CRADD: variants seen among roughly 807,000 people sequenced by gnomAD.
CRADD encodes CARD and death domain containing adaptor protein, also known as death domain-containing protein CRADD.
Under a neutral mutation model 15.5 loss-of-function variants are expected in CRADD, and 9 were observed. That is an observed-to-expected ratio of 0.58 (90% confidence interval 0.35 to 1.01). The LOEUF (loss-of-function observed/expected upper bound fraction) is 1.01, where lower values mean the gene tolerates loss of function less well. CRADD is among the 50% of genes least tolerant of loss of function. CRADD has a pLI of 0.02. For missense variants in CRADD, 227 were observed against 250.3 expected (o/e 0.91, Z 0.63); for synonymous variants, 118 against 107.6 (o/e 1.10, Z -0.60).
intron 2 of CRADD, among the ~76,000 whole-genome samples, chr12:93,744,908 A>G (rs1956728826): frequency 6.6e-6 from 1 of 152,228 alleles, no homozygotes; most frequent in Admixed American, 6.5e-5. Flanking sequence ...CCACCACTAT[A>G]TAAAATAAAA....
At chr12:93,816,263 C>T (rs1386770160) in intron 2 of CRADD, among the ~76,000 whole-genome samples, 2 of 152,122 alleles carry the variant, frequency 1.3e-5, no homozygotes, top group Non-Finnish European at 2.9e-5. Context: ...GTCGCCCAGG[C>T]TGGAGTGCAG....
chr12:93,810,058 A>C (rs548940791), intron 2 of CRADD, among the ~76,000 whole-genome samples: 100 of 152,280 alleles, frequency 6.6e-4, no homozygotes, highest in Non-Finnish European at 1.1e-3. Flanking sequence ...TGTAAAGTAC[A>C]CTCTCTAAAT....
At chr12:93,769,618 T>C (rs1375708767) in intron 2 of CRADD, among the ~76,000 whole-genome samples, 2 of 152,240 alleles carry the variant, frequency 1.3e-5, no homozygotes, top group African/African-American at 4.8e-5. Context: ...CATCAATTTA[T>C]GTGAGTTACT....
chr12:93,871,531 C>T (rs1404050454), intron 2 of CRADD, among the ~76,000 whole-genome samples: 1 of 152,056 alleles, frequency 6.6e-6, no homozygotes, highest in Admixed American at 6.6e-5. Flanking sequence ...ATTTTTGTGT[C>T]CATTAACTAT....
At chr12:93,711,055 C>CCCCCTTTTTT in intron 2 of CRADD, among the ~76,000 whole-genome samples, 22 of 43,506 alleles carry the variant, frequency 5.1e-4, no homozygotes, top group South Asian at 1.3e-3. Context: ...CCACCCCCGC[C>CCCCCTTTTTT]TTTTTTTTTT....
At chr12:93,796,849 T>C (rs767754046) in intron 2 of CRADD, among the ~76,000 whole-genome samples, 1 of 152,168 alleles carries the variant, frequency 6.6e-6, no homozygotes, top group African/African-American at 2.4e-5. Context: ...TCTAACCCTT[T>C]GCAAACCTCT....
intron 2 of CRADD, among the ~76,000 whole-genome samples, chr12:93,891,453 C>T (rs1958575548): frequency 6.6e-6 from 1 of 152,190 alleles, no homozygotes. Flanking sequence ...TGTCACTGCA[C>T]TCCAGCCTGG....
At chr12:93,867,403 A>ATATATATATATTTTTTTTT (rs985334638) in intron 2 of CRADD, among the ~76,000 whole-genome samples, 1 of 143,378 alleles carries the variant, frequency 7.0e-6, no homozygotes, top group Non-Finnish European at 1.5e-5. Context: ...ATATATATAT[A>ATATATATATATTTTTTTTT]TTTTTTAAAC....
intron 2 of CRADD, among the ~76,000 whole-genome samples, chr12:93,832,531 T>G (rs545977132): frequency 5.0e-4 from 73 of 146,720 alleles, no homozygotes; most frequent in Non-Finnish European, 9.3e-4. Flanking sequence ...CAATTGAAGC[T>G]TCTTAATCTT....
chr12:93,740,018 A>T (rs1397078556), intron 2 of CRADD, among the ~76,000 whole-genome samples: 1 of 152,178 alleles, frequency 6.6e-6, no homozygotes. Context: ...CATAAAATAC[A>T]AATGTTTTTA....
intron 2 of CRADD, among the ~76,000 whole-genome samples, chr12:93,682,230 T>G (rs1352704716): frequency 6.6e-6 from 1 of 152,200 alleles, no homozygotes; most frequent in East Asian, 1.9e-4. Context: ...TTGAGTAATT[T>G]TAGTAAGATT....
chr12:93,894,793 C>G (rs1380572365), downstream of CRADD: 1 of 152,612 alleles, frequency 6.6e-6, no homozygotes, highest in African/African-American at 2.4e-5. Flanking sequence ...CGAGATGGCG[C>G]TGAGCACTCG....
At chr12:93,691,111 C>T (rs538179127) in intron 2 of CRADD, among the ~76,000 whole-genome samples, 51 of 152,168 alleles carry the variant, frequency 3.4e-4, no homozygotes, top group Non-Finnish European at 6.3e-4. Flanking sequence ...TTATGTGCTA[C>T]GGGCAAATGT....
intron 2 of CRADD, among the ~76,000 whole-genome samples, chr12:93,834,624 G>A (rs1350800065): frequency 6.6e-6 from 1 of 152,120 alleles, no homozygotes; most frequent in African/African-American, 2.4e-5. Context: ...AAGTAGCTGG[G>A]ACTACAGGCC....
At chr12:93,859,495 C>T in intron 2 of CRADD, 1 of 401,820 alleles carries the variant, frequency 2.5e-6, no homozygotes, top group South Asian at 1.9e-5. Context: ...AGACAAAATG[C>T]ACTGGACAAT....
At chr12:93,855,192 T>TA (rs556575879), downstream of CRADD, among the ~76,000 whole-genome samples, 17 of 149,924 alleles carry the variant, frequency 1.1e-4, no homozygotes, top group Non-Finnish European at 2.1e-4. Context: ...AACTCCGTCT[T>TA]AAAAAAAAAA....
intron 2 of CRADD, among the ~76,000 whole-genome samples, chr12:93,783,155 A>T (rs1324983210): frequency 1.3e-5 from 2 of 151,466 alleles, no homozygotes; most frequent in Non-Finnish European, 1.5e-5. Flanking sequence ...ATTTCTTAAG[A>T]AATCATTTGC....
chr12:93,742,500 C>CGG lies in CRADD; in HGVS notation c.298+63433_298+63434dup, dbSNP rs918878540. On this transcript the variant is annotated intron_variant, in intron 2 of 2. Transcript: ENST00000332896. Reference sequence around the variant, plus strand: ...AGCGCGGGGAGGCGGCGCCGACTGCCGGGGGGCGCCTGCAAGACCTGTTTA... The same window carrying CGG: ...AGCGCGGGGAGGCGGCGCCGACTGCCGGGGGGGGCGCCTGCAAGACCTGTTTA... 4.0e-5 allele frequency among the ~76,000 whole-genome samples: 6 copies of CGG among 150,356 alleles called. 2 individuals carry two copies. The highest frequency in any genetic ancestry group is 3.3e-4 in the Admixed American group (5 of 15,150).
intron 2 of CRADD, among the ~76,000 whole-genome samples, chr12:93,740,720 T>C (rs1956652977): frequency 6.6e-6 from 1 of 152,212 alleles, no homozygotes; most frequent in Admixed American, 6.5e-5. Context: ...CGTTGACTAG[T>C]ATTATGTGGC....
Sources: allele counts gnomAD v4.1 joint callset (sites outside exome capture counted in the v4.1 genomes callset), GRCh38; gene constraint gnomAD v4.1.1; transcripts MANE v1.5; gene names NCBI Gene and HGNC (gene_info 2026-07-23, HGNC 2026-07-21).